Variants in FCRL4 observed in about 807,000 individuals in gnomAD.
The protein encoded by FCRL4 is Fc receptor-like protein 4.
A neutral mutation model predicts 64.1 loss-of-function variants in FCRL4; 43 were observed. That is an observed-to-expected ratio of 0.67 (90% CI 0.53 to 0.87). The LOEUF is 0.87. Ranked by LOEUF, FCRL4 falls within the 40% of genes least tolerant of loss-of-function variation. The pLI, the probability that FCRL4 is intolerant of heterozygous loss-of-function variation, is 0.00. For synonymous variants in FCRL4, 253 were observed against 239.8 expected, an observed-to-expected ratio of 1.05 and a Z score of -0.51; for missense variants, 656 against 613.5, an observed-to-expected ratio of 1.07 and a Z score of -0.73.
At chr1:157,596,080 A>G (rs1652956655) in intron 2 of FCRL4, among the ~76,000 whole-genome samples, 1 of 152,106 alleles carries the variant, frequency 6.6e-6, no homozygotes, top group Non-Finnish European at 1.5e-5. Context: ...CTTCCTGTGG[A>G]CGCTGTGACA....
chr1:157,593,210 A>G (rs1315141480), intron 2 of FCRL4, among the ~76,000 whole-genome samples: 1 of 152,204 alleles, frequency 6.6e-6, no homozygotes, highest in Non-Finnish European at 1.5e-5. Flanking sequence ...TGTTGTGCAC[A>G]TGTATCTTAG....
At chr1:157,579,671 C>T (rs976927244) in intron 8 of FCRL4, among the ~76,000 whole-genome samples, 10 of 148,978 alleles carry the variant, frequency 6.7e-5, no homozygotes, top group African/African-American at 2.2e-4. Context: ...GAGCTAAGAT[C>T]GTGCCACTGC....
chr1:157,575,458 T>C lies in FCRL4; in HGVS notation c.*66A>G. Reference sequence around the variant, plus strand: ...ATTCCAGGGGCCGCAAGGACTGCACTGGGCCTGGGACTTTGGACAAGGGAG... The same window carrying C: ...ATTCCAGGGGCCGCAAGGACTGCACCGGGCCTGGGACTTTGGACAAGGGAG... On this transcript the variant is annotated 3_prime_UTR_variant, in exon 12 of 12. Transcript: ENST00000271532. 2 of 1,245,180 alleles carry C rather than the reference T, an allele frequency of 1.6e-6. No homozygotes were observed. The highest frequency in any genetic ancestry group is 2.3e-6 in the Non-Finnish European group (2 of 856,214). 77.1% of individuals were successfully genotyped at this position (1,245,180 alleles called of 1,614,324 possible).
In FCRL4 at chr1:157,575,219, C is replaced by G. The variant is rs1344312210; in HGVS notation, c.*305G>C. 3.4e-5 allele frequency: 13 copies of G among 384,416 alleles called. No homozygotes were observed. The highest frequency in any genetic ancestry group is 3.8e-5 in the Non-Finnish European group (8 of 210,214). The allele number at this position is 384,416 out of a possible 1,614,324, so 23.8% of individuals were successfully genotyped here. Reference sequence around the variant, plus strand: ...CTGTTTTTCATAACAGTCCTTCTCTCTCTTTATCCCCCTTCTCTAAAGCAG... The same window carrying G: ...CTGTTTTTCATAACAGTCCTTCTCTGTCTTTATCCCCCTTCTCTAAAGCAG... On this transcript the variant is annotated 3_prime_UTR_variant, in exon 12 of 12. Coordinates refer to ENST00000271532, the MANE Select transcript of FCRL4 (RefSeq NM_031282.3).
At chr1:157,587,142 G>T in intron 5 of FCRL4, 134 bp downstream of exon 5, 1 of 923,584 alleles carries the variant, frequency 1.1e-6, no homozygotes, top group Non-Finnish European at 1.7e-6. Flanking sequence ...TTTTATTATA[G>T]TACTGCACTT....
intron 8 of FCRL4, 47 bp from the exon 9 acceptor site, chr1:157,578,899 G>GC: frequency 1.4e-6 from 2 of 1,472,518 alleles, no homozygotes; most frequent in South Asian, 2.5e-5. Context: ...ACTGTAACAT[G>GC]CGGGAGAGTG....
At chr1:157,585,374 CTTTCTTTCTTTCTTTCTTTCCTT>C (rs1652661475) in intron 6 of FCRL4, among the ~76,000 whole-genome samples, 4 of 104,510 alleles carry the variant, frequency 3.8e-5, no homozygotes, top group Non-Finnish European at 8.0e-5. Context: ...TTCTTTCTTT[CTTTCTTTCTTTCTTTCTTTCCTT>C]CTTTCTTTCT....
rs1445676212 is a variant in FCRL4 at position 157,596,317 on chromosome 1, T to G, written c.52+11A>C. On this transcript the variant is annotated intron_variant, in intron 2 of 11. Transcript: ENST00000271532. ...TAGAGACATAAAGGAGCAAAGAAAATAAGGACTTACCAGATTGTCCACAGA... is the reference window on the plus strand; with the variant it reads ...TAGAGACATAAAGGAGCAAAGAAAAGAAGGACTTACCAGATTGTCCACAGA... 2.5e-6 allele frequency: 4 copies of G among 1,613,496 alleles called. No homozygotes were observed. The highest frequency in any genetic ancestry group is 3.4e-6 in the Non-Finnish European group (4 of 1,179,674).
chr1:157,589,946 T>C (rs1193235723), intron 2 of FCRL4, among the ~76,000 whole-genome samples: 1 of 152,178 alleles, frequency 6.6e-6, no homozygotes, highest in Non-Finnish European at 1.5e-5. Flanking sequence ...ATAGGAAAAG[T>C]CTAAAAGCAA....
chr1:157,578,780 C>T lies in FCRL4; in HGVS notation c.1350G>A (p.Leu450=). 6.2e-7 allele frequency: 1 copy of T among 1,613,992 alleles called. No individual in the cohort carries two copies. Among genetic ancestry groups the T allele is most frequent in the Non-Finnish European group, 8.5e-7 (1 of 1,179,908 alleles). The change falls in exon 9 of 12, where the codon TTG becomes TTA. Residue 450 remains leucine (L), a synonymous_variant. Coordinates refer to ENST00000271532, the MANE Select transcript of FCRL4 (RefSeq NM_031282.3). ...ICPAQVELQS[L]YVDVHPKKGD... ...GAAGGGAATCCTCACCATCAACATA[C>T]AACGACTGAAGCTCCACCTGGGCAG...
chr1:157,579,994 T>A (rs1199857241), intron 8 of FCRL4, among the ~76,000 whole-genome samples: 2 of 152,236 alleles, frequency 1.3e-5, no homozygotes, highest in African/African-American at 4.8e-5. Flanking sequence ...TAGACTCTAG[T>A]CATTGTATGC....
At chr1:157,596,222 A>T in intron 2 of FCRL4, 106 bp downstream of exon 2, 1 of 1,276,596 alleles carries the variant, frequency 7.8e-7, no homozygotes, top group Non-Finnish European at 1.1e-6. Flanking sequence ...TGCAGCACTC[A>T]GGAAAAGGAT....
intron 10 of FCRL4, 92 bp from the exon 11 acceptor site, chr1:157,575,822 T>G (rs911374043): frequency 3.3e-6 from 4 of 1,222,184 alleles, no homozygotes; most frequent in Middle Eastern, 2.6e-4. Flanking sequence ...TGAGAGCCAC[T>G]GGGCCCTGTC....
rs1279882074 is a variant in FCRL4 at position 157,589,299 on chromosome 1, G to A, written c.212C>T (p.Pro71Leu). The change falls in exon 3 of 12, where the codon CCA (proline) becomes CTA (leucine). Residue 71 changes from proline (P) to leucine (L), a missense_variant. Pro to Leu is a moderately conservative substitution (Grantham distance 98). Coordinates refer to ENST00000271532, the MANE Select transcript of FCRL4 (RefSeq NM_031282.3). ...TTCCCGAACCTCGAGGGTGTTTCCTGGGGTCAGGGTCAACTTTTCTCCCCA... is the reference window on the plus strand; with the variant it reads ...TTCCCGAACCTCGAGGGTGTTTCCTAGGGTCAGGGTCAACTTTTCTCCCCA... Reference protein sequence around the residue: ...HYWGEKLTLTPGNTLEVRESG... With the variant: ...HYWGEKLTLTLGNTLEVRESG... 2 of 1,614,168 alleles carry A rather than the reference G, an allele frequency of 1.2e-6. No individual in the cohort carries two copies. Among genetic ancestry groups the A allele is most frequent in the Non-Finnish European group, 1.7e-6 (2 of 1,180,018 alleles).
intron 2 of FCRL4, among the ~76,000 whole-genome samples, chr1:157,595,479 G>C (rs1039623925): frequency 5.9e-5 from 9 of 152,238 alleles, no homozygotes; most frequent in Non-Finnish European, 8.8e-5. Flanking sequence ...TGGCCAGGAA[G>C]GGACATAACT....
chr1:157,592,764 C>T (rs1041665831), intron 2 of FCRL4, among the ~76,000 whole-genome samples: 1 of 152,194 alleles, frequency 6.6e-6, no homozygotes, highest in Admixed American at 6.5e-5. Flanking sequence ...ATAAATCATG[C>T]TACTATAAAG....
At position 157,588,133 on chromosome 1, in the gene FCRL4, A is replaced by G; in HGVS notation, c.308-14T>C. 1.3e-6 allele frequency: 2 copies of G among 1,588,126 alleles called. No individual in the cohort carries two copies. The highest frequency in any genetic ancestry group is 1.4e-5 in the African/African-American group (1 of 73,820). On this transcript the variant is annotated splice_polypyrimidine_tract_variant and intron_variant, in intron 3 of 11. Coordinates refer to ENST00000271532, the MANE Select transcript of FCRL4 (RefSeq NM_031282.3). ...GGATTAAGGAGTCTGGAAAAGACACAGAGAGGAGATCGTCATTCAAAGCAT... is the reference window on the plus strand; with the variant it reads ...GGATTAAGGAGTCTGGAAAAGACACGGAGAGGAGATCGTCATTCAAAGCAT...
Position 157,575,027 on chromosome 1 carries a change from A to G in FCRL4, c.*497T>C. 4.2e-6 allele frequency: 1 copy of G among 235,792 alleles called. No individual in the cohort carries two copies. Among genetic ancestry groups the G allele is most frequent in the Non-Finnish European group, 8.4e-6 (1 of 119,236 alleles). The allele number at this position is 235,792 out of a possible 1,614,324, so 14.6% of individuals were successfully genotyped here. On this transcript the variant is annotated 3_prime_UTR_variant, in exon 12 of 12. Coordinates refer to ENST00000271532, the MANE Select transcript of FCRL4 (RefSeq NM_031282.3). ...AGTGTAAGCTGTGCAGGCAGAAGTG[A>G]AGGGGCTTTTCATTGTTTGCACAGT...
intron 2 of FCRL4, among the ~76,000 whole-genome samples, chr1:157,594,962 G>A (rs1024608617): frequency 2.0e-5 from 3 of 152,166 alleles, no homozygotes; most frequent in African/African-American, 7.2e-5. Flanking sequence ...GCAGTGGCCT[G>A]ATCTCAGCTC....
Sources: gnomAD v4.1 joint callset for allele counts (sites outside exome capture counted in the v4.1 genomes callset) on GRCh38, gnomAD v4.1.1 for gene constraint, MANE v1.5 for transcripts, NCBI Gene and HGNC (gene_info 2026-07-23, HGNC 2026-07-21) for gene names.